Variants in RCBTB1 observed in about 807,000 individuals in gnomAD.
RCBTB1 encodes RCC1 and BTB domain-containing protein 1.
In RCBTB1, 46 loss-of-function variants were observed where a neutral mutation model predicts 62.4. The observed-to-expected ratio is 0.74, with a 90% confidence interval of 0.58 to 0.94. The LOEUF is 0.94. Among genes scored for constraint, RCBTB1 ranks in the 40% least tolerant of loss-of-function variants. The pLI is 0.00. For missense variants in RCBTB1, 565 were observed against 654.9 expected, an observed-to-expected ratio of 0.86 and a Z score of 1.50; for synonymous variants, 222 against 245.8, an observed-to-expected ratio of 0.90 and a Z score of 0.91.
At chr13:49,567,564 C>G (rs1963111060) in intron 2 of RCBTB1, among the ~76,000 whole-genome samples, 1 of 152,096 alleles carries the variant, frequency 6.6e-6, no homozygotes, top group Non-Finnish European at 1.5e-5. Flanking sequence ...ACTTCCTAGT[C>G]AGTGCTTATC....
At position 49,556,619 on chromosome 13, in the gene RCBTB1, G is replaced by A. The variant is rs188303586; in HGVS notation, c.445-946C>T. On this transcript the variant is annotated intron_variant, in intron 5 of 12. Transcript: ENST00000378302. ...GCCCCCGCTCCCCACCCTGCTTCAC[G>A]TGGCTGCAGGAGGTGGTCCACGTAT... Among the ~76,000 whole-genome samples, 126 of 152,250 alleles carry A rather than the reference G, an allele frequency of 8.3e-4. 1 individual carries two copies. The highest frequency in any genetic ancestry group is 2.6e-3 in the African/African-American group (110 of 41,556).
chr13:49,533,058 CA>C lies in RCBTB1; in HGVS notation c.*1063del, dbSNP rs1274952912. On this transcript the variant is annotated 3_prime_UTR_variant, in exon 13 of 13. Transcript: ENST00000378302. ...CTGTTATACCTAAGATGTTTAAAAA[CA>C]GAGGAAAACCAAAAGTGAAAGATGA... 1 of 151,920 alleles carries C rather than the reference CA, an allele frequency of 6.6e-6. No individual in the cohort carries two copies. The highest frequency in any genetic ancestry group is 1.5e-5 in the Non-Finnish European group (1 of 68,008). 9.4% of individuals were successfully genotyped at this position (151,920 alleles called of 1,614,324 possible).
At chr13:49,563,295 T>G (rs1962606995) in intron 4 of RCBTB1, among the ~76,000 whole-genome samples, 1 of 127,392 alleles carries the variant, frequency 7.8e-6, no homozygotes, top group African/African-American at 3.0e-5. Context: ...AAGGTTGCAA[T>G]GAGCCATAAT....
chr13:49,556,520 A>G (rs973865835), intron 5 of RCBTB1, among the ~76,000 whole-genome samples: 1 of 152,180 alleles, frequency 6.6e-6, no homozygotes, highest in Non-Finnish European at 1.5e-5. Flanking sequence ...AAGACTATAA[A>G]CAGAGAGATG....
rs1959654191 is a variant in RCBTB1 at position 49,532,763 on chromosome 13, A to C, written c.*1359T>G. On this transcript the variant is annotated 3_prime_UTR_variant, in exon 13 of 13. Coordinates refer to ENST00000378302, the MANE Select transcript of RCBTB1 (RefSeq NM_018191.4). ...GTAATTTGGCTCTGAAAATGTATTC[A>C]GGCTCCAGGTTCAGAAGAGAGACTT... is the stretch of plus-strand genomic sequence containing the variant. 1 of 152,034 alleles carries C rather than the reference A, an allele frequency of 6.6e-6. No homozygotes were observed. Among genetic ancestry groups the C allele is most frequent in the Non-Finnish European group, 1.5e-5 (1 of 68,012 alleles). 9.4% of individuals were successfully genotyped at this position (152,034 alleles called of 1,614,324 possible).
At chr13:49,560,528 G>A (rs1962352064) in intron 4 of RCBTB1, among the ~76,000 whole-genome samples, 1 of 152,132 alleles carries the variant, frequency 6.6e-6, no homozygotes, top group South Asian at 2.1e-4. Flanking sequence ...AGGGGAAAGA[G>A]ATAGACTGTT....
intron 2 of RCBTB1, among the ~76,000 whole-genome samples, chr13:49,575,164 C>T (rs543967900): frequency 6.6e-5 from 10 of 152,186 alleles, no homozygotes; most frequent in African/African-American, 2.4e-4. Context: ...TATTCAACAT[C>T]ACTAATCATC....
chr13:49,552,876 T>C (rs1594285282), intron 6 of RCBTB1, among the ~76,000 whole-genome samples: 1 of 151,910 alleles, frequency 6.6e-6, no homozygotes, highest in Non-Finnish European at 1.5e-5. Flanking sequence ...ACAACTGCGG[T>C]AGTGGTAGTA....
At chr13:49,574,911 G>A (rs987060356) in intron 2 of RCBTB1, among the ~76,000 whole-genome samples, 12 of 147,034 alleles carry the variant, frequency 8.2e-5, no homozygotes, top group African/African-American at 2.8e-4. Context: ...TCACCCTTAG[G>A]AGGAAATTCT....
chr13:49,555,567 A>G lies in RCBTB1; in HGVS notation c.551T>C (p.Val184Ala), dbSNP rs766625024. The G allele has an allele frequency of 3.7e-6, 6 of 1,613,320 alleles. No homozygotes were observed. Among genetic ancestry groups the G allele is most frequent in the Non-Finnish European group, 5.1e-6 (6 of 1,179,326 alleles). ...VTNCLHIKRVVGIACGQTSSM... is the reference protein window; with the variant it reads ...VTNCLHIKRVAGIACGQTSSM... Reference sequence around the variant, plus strand: ...TGAAGTCTGACCACAGGCAATGCCAACTACCCTCTTAATATGTAAACAGTT... The same window carrying G: ...TGAAGTCTGACCACAGGCAATGCCAGCTACCCTCTTAATATGTAAACAGTT... The change falls in exon 6 of 13, where the codon GTT (valine) becomes GCT (alanine). Residue 184 changes from valine to alanine, a missense_variant. Val to Ala is a moderately conservative substitution (Grantham distance 64). Coordinates refer to ENST00000378302, the MANE Select transcript of RCBTB1 (RefSeq NM_018191.4).
intron 2 of RCBTB1, among the ~76,000 whole-genome samples, chr13:49,576,969 C>T (rs1235901408): frequency 2.0e-5 from 3 of 152,130 alleles, no homozygotes; most frequent in Admixed American, 2.0e-4. Flanking sequence ...CTTGGCTCTT[C>T]GTATTTTCTC....
intron 4 of RCBTB1, among the ~76,000 whole-genome samples, chr13:49,565,986 C>A (rs1394697209): frequency 1.3e-5 from 2 of 150,540 alleles, no homozygotes; most frequent in Admixed American, 1.3e-4. Context: ...CTCTCTGAAA[C>A]GTGCTGTGTC....
At chr13:49,557,737 T>C (rs183621527) in intron 5 of RCBTB1, among the ~76,000 whole-genome samples, 3 of 151,396 alleles carry the variant, frequency 2.0e-5, no homozygotes, top group African/African-American at 4.9e-5. Context: ...CTGGGCAACA[T>C]AGCCAGATTC....
chr13:49,572,611 T>C (rs138937659), intron 2 of RCBTB1, among the ~76,000 whole-genome samples: 1 of 152,282 alleles, frequency 6.6e-6, no homozygotes, highest in East Asian at 1.9e-4. Flanking sequence ...GAGACCAGAC[T>C]GGCCAACATG....
Position 49,551,288 on chromosome 13 carries a change from C to T in RCBTB1, c.854+38G>A, listed in dbSNP as rs765010474. 3.7e-6 allele frequency: 6 copies of T among 1,607,866 alleles called. No individual in the cohort carries two copies. In the East Asian group the frequency reaches 6.7e-5, roughly 18 times the overall value. On this transcript the variant is annotated intron_variant, in intron 8 of 12. Transcript: ENST00000378302. ...GCCACACACAGCCCCAAGGCCACAT[C>T]GCACACACAGTCCCAAGACGTGGCA...
At chr13:49,566,477 C>G in intron 4 of RCBTB1, 141 bp downstream of exon 4, 1 of 784,310 alleles carries the variant, frequency 1.3e-6, no homozygotes, top group South Asian at 2.5e-5. Flanking sequence ...TTAACTTTCA[C>G]CTGCTTTATG....
chr13:49,563,227 T>A (rs9535263), intron 4 of RCBTB1, among the ~76,000 whole-genome samples: 88,367 of 150,368 alleles, frequency 0.59, 27,305 homozygotes, highest in Admixed American at 0.7. Flanking sequence ...TGGTGAGACC[T>A]CATCTCTACA....
chr13:49,544,240 C>T (rs756704443), intron 10 of RCBTB1, among the ~76,000 whole-genome samples: 9 of 152,116 alleles, frequency 5.9e-5, no homozygotes, highest in Non-Finnish European at 7.4e-5. Flanking sequence ...GAGGCTGAGG[C>T]GGGCAGATCA....
chr13:49,552,750 A>G (rs1961489746), intron 6 of RCBTB1, among the ~76,000 whole-genome samples: 1 of 152,094 alleles, frequency 6.6e-6, no homozygotes, highest in Non-Finnish European at 1.5e-5. Flanking sequence ...AGACTTTTCA[A>G]AAAGTGGAGA....
Sources: gnomAD v4.1 joint callset for allele counts (sites outside exome capture counted in the v4.1 genomes callset) on GRCh38, gnomAD v4.1.1 for gene constraint, MANE v1.5 for transcripts, NCBI Gene and HGNC (gene_info 2026-07-23, HGNC 2026-07-21) for gene names.